Variants in BAZ1A observed in about 807,000 individuals in gnomAD.
The protein encoded by BAZ1A is bromodomain adjacent to zinc finger domain protein 1A.
BAZ1A carries 50 observed loss-of-function variants against 185.2 expected under a neutral mutation model. The observed-to-expected ratio is 0.27, with a 90% confidence interval of 0.22 to 0.34. BAZ1A has a LOEUF of 0.34. Among genes scored for constraint, BAZ1A ranks in the 10% least tolerant of loss-of-function variants. The pLI is 1.00. For missense variants in BAZ1A, 1,356 were observed against 1,839.9 expected (o/e 0.74, Z 4.81); for synonymous variants, 571 against 615.6 (o/e 0.93, Z 1.07).
chr14:34,783,264 C>A, intron 15 of BAZ1A, 32 bp from the exon 16 acceptor site: 1 of 1,292,106 alleles, frequency 7.7e-7, no homozygotes, highest in African/African-American at 1.5e-5. Context: ...GGTAGTCTAT[C>A]TGATGCACAT....
chr14:34,776,621 G>C, intron 17 of BAZ1A, 106 bp from the exon 18 acceptor site: 2 of 878,430 alleles, frequency 2.3e-6, no homozygotes, highest in South Asian at 3.6e-5. Flanking sequence ...GAACTAAACT[G>C]TATCCCCTCT....
Position 34,862,095 on chromosome 14 carries a change from T to C in BAZ1A, c.341A>G (p.Asp114Gly), listed in dbSNP as rs760538790. The C allele has an allele frequency of 6.2e-7, 1 of 1,614,204 alleles. No homozygotes were observed. Among genetic ancestry groups the C allele is most frequent in the South Asian group, 1.1e-5 (1 of 91,086 alleles). The change falls in exon 3 of 27, where the codon GAT (aspartate) becomes GGT (glycine). Residue 114 changes from aspartate to glycine, a missense_variant. By Grantham distance (94) the Asp-to-Gly change is moderately conservative. Transcript: ENST00000360310. ...ICDDIFAYVK[D>G]RYFVEETVEV... is the part of the protein sequence containing the mutation. ...CACAGTTTCTTCGACAAAATATCGATCCTTGACATATGCAAAGATATCATC... is the reference window on the plus strand; with the variant it reads ...CACAGTTTCTTCGACAAAATATCGACCCTTGACATATGCAAAGATATCATC...
chr14:34,807,404 C>T (rs1216906769), intron 6 of BAZ1A, 47 bp downstream of exon 6: 1 of 1,327,276 alleles, frequency 7.5e-7, no homozygotes, highest in Non-Finnish European at 1.1e-6. Context: ...ATAACACTAC[C>T]CATTTTGTTT....
At chr14:34,839,539 C>CA (rs35964410) in intron 3 of BAZ1A, among the ~76,000 whole-genome samples, 30,393 of 80,810 alleles carry the variant, frequency 0.38, 4,631 homozygotes, top group Middle Eastern at 0.46. Context: ...AACTATCTTT[C>CA]AAAAAAAAAA....
intron 21 of BAZ1A, 100 bp from the exon 22 acceptor site, chr14:34,765,368 TTTC>T (rs1212062730): frequency 7.1e-7 from 1 of 1,402,600 alleles, no homozygotes; most frequent in African/African-American, 1.4e-5. Flanking sequence ...AGATTTTACA[TTTC>T]TTTTCTTCTG....
intron 4 of BAZ1A, among the ~76,000 whole-genome samples, chr14:34,817,551 G>A (rs2138692769): frequency 6.6e-6 from 1 of 152,342 alleles, no homozygotes; most frequent in Admixed American, 6.5e-5. Context: ...TTGCGCTGTT[G>A]CGCAACAGCC....
intron 16 of BAZ1A, among the ~76,000 whole-genome samples, chr14:34,781,450 ACT>A (rs1173597261): frequency 1.3e-5 from 2 of 150,568 alleles, no homozygotes; most frequent in Non-Finnish European, 3.0e-5. Flanking sequence ...ACCAACATCT[ACT>A]CTCTACTGAT....
chr14:34,808,602 T>C (rs989508479), intron 5 of BAZ1A, among the ~76,000 whole-genome samples: 10 of 152,142 alleles, frequency 6.6e-5, no homozygotes, highest in Admixed American at 6.5e-4. Flanking sequence ...GTAAACAAAA[T>C]TGAACATAGC....
At chr14:34,770,432 C>T (rs1426225569) in intron 21 of BAZ1A, among the ~76,000 whole-genome samples, 5 of 152,176 alleles carry the variant, frequency 3.3e-5, no homozygotes, top group South Asian at 2.1e-4. Context: ...GGATTACAGG[C>T]GTGAGCCACC....
chr14:34,768,326 T>C (rs1878986628), intron 21 of BAZ1A, among the ~76,000 whole-genome samples: 1 of 152,190 alleles, frequency 6.6e-6, no homozygotes. Context: ...TCTTGTCCTA[T>C]GTCTCTCCAA....
intron 24 of BAZ1A, among the ~76,000 whole-genome samples, chr14:34,760,342 A>G (rs1886468198): frequency 6.6e-6 from 1 of 152,260 alleles, no homozygotes; most frequent in Non-Finnish European, 1.5e-5. Context: ...CTGGTACAAA[A>G]TTAGGATACT....
In BAZ1A at chr14:34,832,215, C is replaced by CACACATATATATAT; in HGVS notation, c.393-6060_393-6059insATATATATATGTGT. On this transcript the variant is annotated intron_variant, in intron 3 of 26. Coordinates refer to ENST00000360310, the MANE Select transcript of BAZ1A (RefSeq NM_013448.3). ...ATACACACACACACACACACACACA[C>CACACATATATATAT]ATATATATATATATATGTATGTATG... is the stretch of plus-strand genomic sequence containing the variant. Among the ~76,000 whole-genome samples the CACACATATATATAT allele has an allele frequency of 3.3e-3, 296 of 89,688 alleles. 9 individuals carry two copies. The highest frequency in any genetic ancestry group is 5.1e-3 in the Non-Finnish European group (219 of 42,720). 58.8% of individuals were successfully genotyped at this position (89,688 alleles called of 152,430 possible).
intron 2 of BAZ1A, among the ~76,000 whole-genome samples, chr14:34,862,756 A>C (rs2042788806): frequency 6.6e-6 from 1 of 150,864 alleles, no homozygotes; most frequent in Non-Finnish European, 1.5e-5. Context: ...TATTTTCTTG[A>C]AACTATATGA....
At chr14:34,757,851 A>C (rs1886329719) in intron 25 of BAZ1A, among the ~76,000 whole-genome samples, 2 of 149,638 alleles carry the variant, frequency 1.3e-5, no homozygotes, top group African/African-American at 2.5e-5. Flanking sequence ...GGTTCAAGTA[A>C]TTCTCCTGCC....
intron 3 of BAZ1A, among the ~76,000 whole-genome samples, chr14:34,827,648 T>C (rs1224729169): frequency 6.7e-6 from 1 of 149,856 alleles, no homozygotes. Context: ...GGCAGGAGAA[T>C]GGCGTGAACC....
chr14:34,870,605 CA>C (rs1359516569), intron 2 of BAZ1A, among the ~76,000 whole-genome samples: 2 of 152,206 alleles, frequency 1.3e-5, no homozygotes, highest in Non-Finnish European at 2.9e-5. Flanking sequence ...GTGGTATCTA[CA>C]CAAAGATCTA....
intron 4 of BAZ1A, among the ~76,000 whole-genome samples, chr14:34,818,101 T>C (rs1433529814): frequency 6.6e-6 from 1 of 152,156 alleles, no homozygotes; most frequent in Non-Finnish European, 1.5e-5. Flanking sequence ...TACCTATCAA[T>C]AGATGAATGG....
chr14:34,757,886 A>G (rs1179063933), intron 25 of BAZ1A, among the ~76,000 whole-genome samples: 1 of 150,018 alleles, frequency 6.7e-6, no homozygotes, highest in Non-Finnish European at 1.5e-5. Flanking sequence ...AGCGGGGACT[A>G]CAGGCGCCTG....
At position 34,761,804 on chromosome 14, in the gene BAZ1A, A is replaced by G. The variant is rs149138456; in HGVS notation, c.4196T>C (p.Leu1399Pro). The G allele has an allele frequency of 1.4e-5, 22 of 1,614,150 alleles. No homozygotes were observed. The African/African-American group carries it at 2.7e-4, about 20-fold the overall frequency. ...TCTTCTTTTGGATTCACTCTCTTGGAGAGAAAGTTTTGAAGCAATATTTAC... is the reference window on the plus strand; with the variant it reads ...TCTTCTTTTGGATTCACTCTCTTGGGGAGAAAGTTTTGAAGCAATATTTAC... Reference protein sequence around the residue: ...RSVNIASKLSLQESESKRRCR... With the variant: ...RSVNIASKLSPQESESKRRCR... Residue 1399 changes from leucine to proline, a missense_variant, in exon 24 of 27, where the codon CTC becomes CCC. This residue lies in a region of BAZ1A where 309 missense variants were observed against 355.3 expected (regional missense o/e 0.87). Transcript: ENST00000360310.
Sources: allele counts gnomAD v4.1 joint callset (sites outside exome capture counted in the v4.1 genomes callset), GRCh38; gene constraint gnomAD v4.1.1; regional missense constraint gnomAD v4.1.1; transcripts MANE v1.5; gene names NCBI Gene and HGNC (gene_info 2026-07-23, HGNC 2026-07-21).